The following MTMR3 variants were observed in gnomAD, a reference collection of about 807,000 sequenced individuals.
The protein encoded by MTMR3 is phosphatidylinositol-3,5-bisphosphate 3-phosphatase MTMR3.
In MTMR3, 32 loss-of-function variants were observed where a neutral mutation model predicts 132.4. The ratio of observed to expected loss-of-function variants is 0.24; its 90% CI spans 0.18 to 0.32. The LOEUF is 0.32. Among genes scored for constraint, MTMR3 ranks in the 10% least tolerant of loss-of-function variants. The pLI is 1.00. For synonymous variants in MTMR3, 556 were observed against 550.3 expected, an observed-to-expected ratio of 1.01 and a Z score of -0.14; for missense variants, 1,216 against 1,489.6, an observed-to-expected ratio of 0.82 and a Z score of 3.02.
chr22:30,019,562 C>G lies in MTMR3; in HGVS notation c.1903C>G (p.Pro635Ala). The G allele has an allele frequency of 6.2e-7, 1 of 1,613,674 alleles. No individual in the cohort carries two copies. Among genetic ancestry groups the G allele is most frequent in the Non-Finnish European group, 8.5e-7 (1 of 1,180,034 alleles). Residue 635 changes from proline to alanine, a missense_variant, in exon 17 of 20, where the codon CCC becomes GCC. Physicochemically the swap from Pro to Ala is conservative, Grantham distance 27. Transcript: ENST00000401950. ...VPLASRRCSD[P>A]SLNEKWQEHR... ...TCTGGCCAGCCGGCGCTGCAGCGAC[C>G]CCAGCCTGAACGAGAAGTGGCAGGA...
intron 2 of MTMR3, among the ~76,000 whole-genome samples, chr22:29,960,675 C>A (rs902861220): frequency 6.6e-6 from 1 of 152,114 alleles, no homozygotes; most frequent in African/African-American, 2.4e-5. Flanking sequence ...TTCTTTGATG[C>A]AATGATTGTT....
rs778989771 is a variant in MTMR3 at position 29,991,591 on chromosome 22, C to G, written c.381C>G (p.Leu127=). 3.7e-6 allele frequency: 6 copies of G among 1,614,074 alleles called. No individual in the cohort carries two copies. The highest frequency in any genetic ancestry group is 1.1e-5 in the South Asian group (1 of 91,070). Residue 127 remains leucine, a synonymous_variant, in exon 7 of 20, where the codon CTC becomes CTG. Coordinates refer to ENST00000401950, the MANE Select transcript of MTMR3 (RefSeq NM_021090.4). Reference sequence around the variant, plus strand: ...GACCACCTGCTAAAATAGAAGATCTCTTCTCATTTGCATACCATGCTTGGT... The same window carrying G: ...GACCACCTGCTAAAATAGAAGATCTGTTCTCATTTGCATACCATGCTTGGT... The part of the protein sequence containing the change: ...AIRPPAKIED[L]FSFAYHAWCM...
intron 1 of MTMR3, among the ~76,000 whole-genome samples, chr22:29,917,486 A>C (rs1285894660): frequency 6.6e-6 from 1 of 152,154 alleles, no homozygotes; most frequent in Non-Finnish European, 1.5e-5. Flanking sequence ...GTCTCTTAAA[A>C]ACAAACAAAC....
chr22:29,919,258 C>T (rs1208242635), intron 1 of MTMR3, among the ~76,000 whole-genome samples: 2 of 152,096 alleles, frequency 1.3e-5, no homozygotes, highest in Non-Finnish European at 2.9e-5. Flanking sequence ...AATTCTTTAG[C>T]AAGGCATATT....
In MTMR3 at chr22:29,937,484, A is replaced by T. The variant is rs561511013; in HGVS notation, c.-137-19552A>T. ...AGGATGAAGTGCAAGCAGCACAATC[A>T]TAGCTTACTGCAGGCTTGAGCTCCT... On this transcript the variant is annotated intron_variant, in intron 1 of 19. Transcript: ENST00000401950. 1.3e-3 allele frequency among the ~76,000 whole-genome samples: 194 copies of T among 151,310 alleles called. 1 individual carries two copies. The highest frequency in any genetic ancestry group is 4.6e-3 in the African/African-American group (190 of 41,120).
chr22:29,921,426 C>T (rs1042702583), intron 1 of MTMR3, among the ~76,000 whole-genome samples: 47 of 152,286 alleles, frequency 3.1e-4, no homozygotes, highest in African/African-American at 1.1e-3. Context: ...CACATTTCAC[C>T]ATGAGATTTG....
At chr22:29,948,522 C>T (rs1358727687) in intron 1 of MTMR3, among the ~76,000 whole-genome samples, 1 of 152,090 alleles carries the variant, frequency 6.6e-6, no homozygotes, top group Non-Finnish European at 1.5e-5. Flanking sequence ...ATCTCAAATA[C>T]CTACACAGAA....
rs1706141370 is a variant in MTMR3 at position 29,978,992 on chromosome 22, T to G, written c.150T>G (p.Asp50Glu). ...CAGAGTTTGTGGGCCGTGCCGAGGA[T>G]GCCATCATTGCCCTTTCCAATTACA... ...ESTEFVGRAEDAIIALSNYRL... is the reference protein window; with the variant it reads ...ESTEFVGRAEEAIIALSNYRL... The change falls in exon 5 of 20, where the codon GAT (aspartate) becomes GAG (glutamate). Residue 50 changes from aspartate (D) to glutamate (E), a missense_variant. This residue lies in a region of MTMR3 where 81 missense variants were observed against 87.7 expected (regional missense o/e 0.92). Transcript: ENST00000401950. 6.2e-7 allele frequency: 1 copy of G among 1,613,994 alleles called. No individual in the cohort carries two copies. Among genetic ancestry groups the G allele is most frequent in the Non-Finnish European group, 8.5e-7 (1 of 1,179,956 alleles).
intron 1 of MTMR3, among the ~76,000 whole-genome samples, chr22:29,938,135 TA>T (rs2065786054): frequency 6.6e-6 from 1 of 152,150 alleles, no homozygotes; most frequent in Admixed American, 6.5e-5. Context: ...CTAAATCACA[TA>T]CCCACCAGCA....
chr22:29,937,874 T>C, intron 1 of MTMR3, among the ~76,000 whole-genome samples: 1 of 152,176 alleles, frequency 6.6e-6, no homozygotes, highest in East Asian at 1.9e-4. Context: ...TTGGCATCAG[T>C]CTGTACTGAG....
At chr22:29,974,379 A>G (rs1316964141) in intron 3 of MTMR3, among the ~76,000 whole-genome samples, 1 of 152,216 alleles carries the variant, frequency 6.6e-6, no homozygotes, top group South Asian at 2.1e-4. Flanking sequence ...AATGAATCCT[A>G]ATGTTACGTC....
chr22:29,887,301 A>G (rs1490788460), intron 1 of MTMR3, among the ~76,000 whole-genome samples: 1 of 152,198 alleles, frequency 6.6e-6, no homozygotes, highest in African/African-American at 2.4e-5. Flanking sequence ...CAGTTCCCTC[A>G]TTAGTGAAAG....
chr22:29,896,571 T>A (rs2064900644), intron 1 of MTMR3, among the ~76,000 whole-genome samples: 1 of 152,114 alleles, frequency 6.6e-6, no homozygotes, highest in South Asian at 2.1e-4. Context: ...GTAGTTGATG[T>A]TGTGAGTTGT....
intron 1 of MTMR3, among the ~76,000 whole-genome samples, chr22:29,897,973 G>GTAT (rs1230134691): frequency 6.6e-6 from 1 of 151,900 alleles, no homozygotes; most frequent in Non-Finnish European, 1.5e-5. Context: ...TGATATATGT[G>GTAT]TATTATTATT....
At chr22:29,902,780 AT>A (rs1415454658) in intron 1 of MTMR3, among the ~76,000 whole-genome samples, 3 of 152,158 alleles carry the variant, frequency 2.0e-5, no homozygotes, top group Non-Finnish European at 4.4e-5. Flanking sequence ...AGGTATTAAT[AT>A]TGATAAGCAG....
intron 1 of MTMR3, among the ~76,000 whole-genome samples, chr22:29,949,123 ACACACACACACACACACACACCCCCC>A (rs1569019506): frequency 3.6e-5 from 1 of 27,418 alleles, no homozygotes; most frequent in East Asian, 9.5e-4. Context: ...ACACACACAC[ACACACACACACACACACACACCCCCC>A]CCCCCCCCCC....
In MTMR3 at chr22:30,012,509, C is replaced by T. The variant is rs769320304; in HGVS notation, c.1263C>T (p.Pro421=). 3.7e-6 allele frequency: 6 copies of T among 1,613,952 alleles called. No homozygotes were observed. Among genetic ancestry groups the T allele is most frequent in the Admixed American group, 3.3e-5 (2 of 59,984 alleles). ...GCTCAGATGGCTGGGACCGCACCCCCCAGATTGTGGCATTGGCTAAGCTCT... is the reference window on the plus strand; with the variant it reads ...GCTCAGATGGCTGGGACCGCACCCCTCAGATTGTGGCATTGGCTAAGCTCT... ...VHCSDGWDRT[P]QIVALAKLLL... Residue 421 remains proline, a synonymous_variant, in exon 13 of 20, where the codon CCC becomes CCT. Transcript: ENST00000401950.
chr22:30,009,722 G>T (rs2067364011), intron 12 of MTMR3: 1 of 152,180 alleles, frequency 6.6e-6, no homozygotes, highest in South Asian at 2.1e-4. Flanking sequence ...CCCCTCCAAG[G>T]GTACTGATTG....
In MTMR3 at chr22:30,020,240, C is replaced by G. The variant is rs758288148; in HGVS notation, c.2581C>G (p.Gln861Glu). ...EDKVKSVSGP[Q>E]GHHRSCLVNS... The stretch of plus-strand genomic sequence containing the variant: ...TAAGGTGAAGTCAGTAAGTGGGCCC[C>G]AAGGTCATCATAGATCTTGCCTTGT... The change falls in exon 17 of 20, where the codon CAA becomes GAA. Residue 861 changes from glutamine to glutamate, a missense_variant. Gln to Glu is a conservative substitution (Grantham distance 29). This residue lies in a region of MTMR3 where 852 missense variants were observed against 852.0 expected (regional missense o/e 1.00). Coordinates refer to ENST00000401950, the MANE Select transcript of MTMR3 (RefSeq NM_021090.4). 3.1e-6 allele frequency: 5 copies of G among 1,614,060 alleles called. No individual in the cohort carries two copies. The East Asian group carries it at 1.1e-4, about 36-fold the overall frequency.
Sources: allele counts gnomAD v4.1 joint callset (sites outside exome capture counted in the v4.1 genomes callset), GRCh38; gene constraint gnomAD v4.1.1; regional missense constraint gnomAD v4.1.1; transcripts MANE v1.5; gene names NCBI Gene and HGNC (gene_info 2026-07-23, HGNC 2026-07-21).